Variants in UGT3A1 observed in about 807,000 individuals in gnomAD.
UGT3A1 encodes the protein UDP glycosyltransferase family 3 member A1, also known as UDP-glycosyltransferase 3A1.
In UGT3A1, 40 loss-of-function variants were observed where a neutral mutation model predicts 37.6. The ratio of observed to expected loss-of-function variants is 1.06; its 90% CI spans 0.83 to 1.38. The LOEUF is 1.38. Ranked by LOEUF, UGT3A1 falls within the 40% of genes most tolerant of loss-of-function variation. UGT3A1 has a pLI of 0.00. For synonymous variants in UGT3A1, 256 were observed against 232.3 expected (o/e 1.10, Z -0.93); for missense variants, 642 against 634.2 (o/e 1.01, Z -0.13).
chr5:35,958,732 T>G (rs1739456872), intron 4 of UGT3A1, among the ~76,000 whole-genome samples: 1 of 152,244 alleles, frequency 6.6e-6, no homozygotes, highest in African/African-American at 2.4e-5. Flanking sequence ...TTTATTTACC[T>G]TTGCCCTGGA....
chr5:35,996,022 CAAAAA>C (rs111488776), upstream of UGT3A1, among the ~76,000 whole-genome samples: 3 of 111,242 alleles, frequency 2.7e-5, no homozygotes, highest in African/African-American at 9.6e-5. Flanking sequence ...TGCGCTATGA[CAAAAA>C]AAAAAAAAAA....
At chr5:35,961,025 G>A (rs1279731409) in intron 4 of UGT3A1, 1 of 152,206 alleles carries the variant, frequency 6.6e-6, no homozygotes, top group Non-Finnish European at 1.5e-5. Context: ...GTACAGGAGA[G>A]GGGCGTGTGG....
At chr5:35,970,061 GA>G (rs1310682714) in intron 2 of UGT3A1, among the ~76,000 whole-genome samples, 1 of 152,154 alleles carries the variant, frequency 6.6e-6, no homozygotes, top group African/African-American at 2.4e-5. Flanking sequence ...GGCAAAGAGA[GA>G]GAGAGCTTGT....
In UGT3A1 at chr5:35,952,482, T is replaced by G. The variant is rs1027443818; in HGVS notation, c.*1720A>C. On this transcript the variant is annotated 3_prime_UTR_variant, in exon 7 of 7. Transcript: ENST00000274278. ...AGCATCATTCTGGCTCATTGGCTGCTTATGATCAGATTTTAGGGATGCAAG... is the reference window on the plus strand; with the variant it reads ...AGCATCATTCTGGCTCATTGGCTGCGTATGATCAGATTTTAGGGATGCAAG... 6.6e-6 allele frequency: 1 copy of G among 152,198 alleles called. No homozygotes were observed. The highest frequency in any genetic ancestry group is 1.5e-5 in the Non-Finnish European group (1 of 68,052). 9.4% of individuals were successfully genotyped at this position (152,198 alleles called of 1,614,324 possible). A position where few individuals can be genotyped will look rare whatever the true frequency, so the allele number is the denominator to read the frequency against.
chr5:35,977,824 G>A (rs984273), intron 2 of UGT3A1, among the ~76,000 whole-genome samples: 118,237 of 152,192 alleles, frequency 0.78, 46,094 homozygotes, highest in South Asian at 0.85. Flanking sequence ...TCCCATTTAC[G>A]TAAAATTTAA....
At chr5:35,990,851 A>G (rs1740916325) in intron 1 of UGT3A1, 1 of 1,101,624 alleles carries the variant, frequency 9.1e-7, no homozygotes, top group Non-Finnish European at 1.2e-6. Flanking sequence ...CAGGAACTCA[A>G]GCTCTGGTCC....
intron 2 of UGT3A1, among the ~76,000 whole-genome samples, chr5:35,981,083 G>A (rs1420173127): frequency 6.6e-6 from 1 of 152,038 alleles, no homozygotes; most frequent in African/African-American, 2.4e-5. Flanking sequence ...GATGTAACTC[G>A]GGCAGTCACC....
At chr5:35,960,402 T>G (rs1181135943) in intron 4 of UGT3A1, among the ~76,000 whole-genome samples, 1 of 152,198 alleles carries the variant, frequency 6.6e-6, no homozygotes, top group African/African-American at 2.4e-5. Flanking sequence ...TAAATTTTGA[T>G]GACAGTGAAA....
rs4024103 is a variant in UGT3A1, at chr5:35,972,494, C to CGTGTGTGTGTGTGT, written c.197-4375_197-4362dup. ...TTATGTAAACCAAGTCCTTGAAATACGTGTGTGTGTGTGTGTGTGTGTGTG... is the reference window on the plus strand; with the variant it reads ...TTATGTAAACCAAGTCCTTGAAATACGTGTGTGTGTGTGTGTGTGTGTGTGTGTGTGTGTGTGTG... On this transcript the variant is annotated intron_variant, in intron 2 of 6. Coordinates refer to ENST00000274278, the MANE Select transcript of UGT3A1 (RefSeq NM_152404.4). Among the ~76,000 whole-genome samples the CGTGTGTGTGTGTGT allele has an allele frequency of 2.8e-4, 40 of 141,442 alleles. 1 individual carries two copies. Among genetic ancestry groups the CGTGTGTGTGTGTGT allele is most frequent in the Admixed American group, 7.8e-4 (11 of 14,108 alleles). The allele number at this position is 141,442 out of a possible 152,430, so 92.8% of individuals were successfully genotyped here.
intron 2 of UGT3A1, among the ~76,000 whole-genome samples, chr5:35,976,789 G>T (rs1481838095): frequency 6.6e-6 from 1 of 151,610 alleles, no homozygotes; most frequent in Non-Finnish European, 1.5e-5. Context: ...AGCCATGATT[G>T]TGCCAGTGCA....
intron 6 of UGT3A1, 85 bp downstream of exon 6, chr5:35,955,560 T>C: frequency 6.8e-7 from 1 of 1,471,896 alleles, no homozygotes; most frequent in Non-Finnish European, 9.4e-7. Context: ...TTTCAGCTAT[T>C]ATTGTGAAAA....
intron 4 of UGT3A1, among the ~76,000 whole-genome samples, chr5:35,958,117 A>G (rs966926636): frequency 1.3e-5 from 2 of 152,164 alleles, no homozygotes; most frequent in Admixed American, 6.5e-5. Flanking sequence ...TTATTTTTAA[A>G]TGATACTTAT....
chr5:35,954,280 G>A lies in UGT3A1; in HGVS notation c.1494C>T (p.Gly498=), dbSNP rs369589731. 1.9e-6 allele frequency: 3 copies of A among 1,614,130 alleles called. No individual in the cohort carries two copies. The South Asian group carries it at 3.3e-5, about 18-fold the overall frequency. ...VFVFLLGLTL[G]TMWLCGKLLG... Reference sequence around the variant, plus strand: ...GCAGCTTCCCACAAAGCCACATAGTGCCCAGAGTGAGCCCCAGCAGAAACA... The same window carrying A: ...GCAGCTTCCCACAAAGCCACATAGTACCCAGAGTGAGCCCCAGCAGAAACA... Residue 498 remains glycine, a synonymous_variant, in exon 7 of 7, where the codon GGC becomes GGT. Coordinates refer to ENST00000274278, the MANE Select transcript of UGT3A1 (RefSeq NM_152404.4).
In UGT3A1 at chr5:35,991,130, T is replaced by C. The variant is rs147973576; in HGVS notation, c.94+17A>G. On this transcript the variant is annotated intron_variant, in intron 1 of 6. Coordinates refer to ENST00000274278, the MANE Select transcript of UGT3A1 (RefSeq NM_152404.4). ...CCGGGACGCGCCTGTCTGGGAATTC[T>C]CCGGCCAAGCACTCACCCAGTGTAG... The C allele has an allele frequency of 6.0e-4, 962 of 1,614,172 alleles. 5 individuals carry two copies. In the African/African-American group the frequency reaches 0.011, roughly 19 times the overall value.
At chr5:35,957,848 G>A (rs912651410) in intron 4 of UGT3A1, among the ~76,000 whole-genome samples, 1 of 152,170 alleles carries the variant, frequency 6.6e-6, no homozygotes, top group Non-Finnish European at 1.5e-5. Flanking sequence ...GTCTGCTGTT[G>A]TTGGGTGGAG....
At chr5:35,958,871 C>T (rs1025472563) in intron 4 of UGT3A1, among the ~76,000 whole-genome samples, 1 of 152,182 alleles carries the variant, frequency 6.6e-6, no homozygotes, top group African/African-American at 2.4e-5. Context: ...GTTTGTCTCA[C>T]CTAATTCAGA....
chr5:35,954,132 G>A lies in UGT3A1; in HGVS notation c.*70C>T, dbSNP rs372706507. On this transcript the variant is annotated 3_prime_UTR_variant, in exon 7 of 7. Coordinates refer to ENST00000274278, the MANE Select transcript of UGT3A1 (RefSeq NM_152404.4). The stretch of plus-strand genomic sequence containing the variant: ...GCTGAAGAGAGAACAGAGGGGTGGC[G>A]TGTGCTGGGGTGGGGAGAACCTTCA... The A allele has an allele frequency of 1.3e-4, 197 of 1,514,132 alleles. No individual in the cohort carries two copies. Among genetic ancestry groups the A allele is most frequent in the Admixed American group, 2.5e-4 (14 of 55,822 alleles). 93.8% of individuals were successfully genotyped at this position (1,514,132 alleles called of 1,614,324 possible). A position where few individuals can be genotyped will look rare whatever the true frequency, so the allele number is the denominator to read the frequency against.
At chr5:35,971,668 A>T (rs1444663143) in intron 2 of UGT3A1, among the ~76,000 whole-genome samples, 1 of 152,058 alleles carries the variant, frequency 6.6e-6, no homozygotes, top group Non-Finnish European at 1.5e-5. Context: ...GACTGCTCCC[A>T]CCAACTCCCA....
At chr5:35,993,026 T>C, upstream of UGT3A1, among the ~76,000 whole-genome samples, 1 of 152,134 alleles carries the variant, frequency 6.6e-6, no homozygotes, top group Non-Finnish European at 1.5e-5. Flanking sequence ...TGCAAATTGA[T>C]AGCTTATTTT....
Sources: gnomAD v4.1 joint callset for allele counts (sites outside exome capture counted in the v4.1 genomes callset) on GRCh38, gnomAD v4.1.1 for gene constraint, MANE v1.5 for transcripts, NCBI Gene and HGNC (gene_info 2026-07-23, HGNC 2026-07-21) for gene names.